The following STPG2 variants were observed in gnomAD, a reference collection of about 807,000 sequenced individuals.
The protein encoded by STPG2 is sperm-tail PG-rich repeat-containing protein 2.
STPG2 carries 56 observed loss-of-function variants against 54.2 expected under a neutral mutation model. The observed-to-expected ratio is 1.03, with a 90% CI of 0.83 to 1.29. The LOEUF (loss-of-function observed/expected upper bound fraction) is 1.29, where lower values mean the gene tolerates loss of function less well. Among genes scored for constraint, STPG2 ranks in the 50% most tolerant of loss-of-function variants. The pLI is 0.00. For missense variants in STPG2, 596 were observed against 544.9 expected (o/e 1.09, Z -0.93); for synonymous variants, 200 against 181.8 (o/e 1.10, Z -0.81).
chr4:97,442,952 G>C (rs1729127311), intron 4 of STPG2, among the ~76,000 whole-genome samples: 1 of 152,054 alleles, frequency 6.6e-6, no homozygotes, highest in African/African-American at 2.4e-5. Flanking sequence ...TGAAGGTATA[G>C]GATTTCATAA....
intron 10 of STPG2, among the ~76,000 whole-genome samples, chr4:97,700,043 C>T (rs1298987625): frequency 3.9e-5 from 6 of 152,154 alleles, no homozygotes; most frequent in Non-Finnish European, 7.3e-5. Flanking sequence ...CATAGTCAAA[C>T]GTTCAGTTTC....
intron 3 of STPG2, among the ~76,000 whole-genome samples, chr4:98,127,501 A>C (rs1016120692): frequency 1.3e-5 from 2 of 152,200 alleles, no homozygotes; most frequent in South Asian, 2.1e-4. Context: ...CAAGATAAAT[A>C]CTGAGAATGC....
chr4:98,131,690 T>C (rs1333400637), intron 2 of STPG2, among the ~76,000 whole-genome samples: 1 of 152,142 alleles, frequency 6.6e-6, no homozygotes, highest in Non-Finnish European at 1.5e-5. Flanking sequence ...GCCTTTGATG[T>C]AAAAATTATT....
At chr4:97,536,036 T>C (rs1163562886) in intron 4 of STPG2, among the ~76,000 whole-genome samples, 2 of 152,144 alleles carry the variant, frequency 1.3e-5, no homozygotes, top group East Asian at 3.9e-4. Flanking sequence ...TTTTCTTCAG[T>C]GTAATCATAC....
chr4:98,086,450 A>T (rs1408649802), intron 5 of STPG2, among the ~76,000 whole-genome samples: 1 of 152,046 alleles, frequency 6.6e-6, no homozygotes, highest in African/African-American at 2.4e-5. Context: ...CATATATATA[A>T]ATGTACATAT....
At chr4:97,841,688 T>C (rs1325752584) in intron 8 of STPG2, among the ~76,000 whole-genome samples, 2 of 151,824 alleles carry the variant, frequency 1.3e-5, no homozygotes, top group Non-Finnish European at 2.9e-5. Flanking sequence ...GAAAGTGTTA[T>C]GGCTAAGCAT....
chr4:97,828,477 C>A (rs1380091603), intron 9 of STPG2, among the ~76,000 whole-genome samples: 2 of 152,112 alleles, frequency 1.3e-5, no homozygotes, highest in Non-Finnish European at 1.5e-5. Flanking sequence ...GGGCAGACAC[C>A]AAGCTAGCTG....
intron 9 of STPG2, among the ~76,000 whole-genome samples, chr4:97,816,086 T>C (rs1727900375): frequency 6.6e-6 from 1 of 152,252 alleles, no homozygotes; most frequent in African/African-American, 2.4e-5. Context: ...TGTGTCCATG[T>C]GTTCTCATTG....
intron 10 of STPG2, among the ~76,000 whole-genome samples, chr4:97,607,190 T>G (rs1733616766): frequency 6.6e-6 from 1 of 152,016 alleles, no homozygotes; most frequent in African/African-American, 2.4e-5. Context: ...ATAAAAATGG[T>G]AAAATCAGCT....
At chr4:97,580,522 C>G (rs998129878) in intron 10 of STPG2, among the ~76,000 whole-genome samples, 1 of 142,280 alleles carries the variant, frequency 7.0e-6, no homozygotes, top group African/African-American at 3.0e-5. Flanking sequence ...ATTTCACCCT[C>G]TCTGTCTCTC....
intron 4 of STPG2, chr4:97,463,434 GT>G (rs1361225842): frequency 6.6e-6 from 1 of 152,016 alleles, no homozygotes; most frequent in Non-Finnish European, 1.5e-5. Context: ...CTTGTATTGT[GT>G]TTTTGTTGTT....
chr4:98,038,496 T>C (rs1195429444), intron 5 of STPG2, among the ~76,000 whole-genome samples: 2 of 151,992 alleles, frequency 1.3e-5, no homozygotes, highest in Non-Finnish European at 2.9e-5. Flanking sequence ...GTATGTAACG[T>C]AGGCATATTT....
chr4:97,869,006 T>C (rs1185040447), intron 8 of STPG2, among the ~76,000 whole-genome samples: 1 of 151,898 alleles, frequency 6.6e-6, no homozygotes, highest in East Asian at 1.9e-4. Context: ...TTAATTAGTT[T>C]TGTATCTTGA....
At chr4:97,929,582 G>C (rs1475451114) in intron 8 of STPG2, among the ~76,000 whole-genome samples, 2 of 152,158 alleles carry the variant, frequency 1.3e-5, no homozygotes, top group Admixed American at 6.5e-5. Context: ...ACTGGTGTCA[G>C]ATGGTATCTC....
chr4:97,840,280 T>C (rs1013417343), intron 9 of STPG2, among the ~76,000 whole-genome samples: 4 of 151,618 alleles, frequency 2.6e-5, no homozygotes, highest in Non-Finnish European at 4.4e-5. Context: ...CTTTAGCATG[T>C]TATGAGTTCT....
At chr4:97,923,293 T>A (rs28463863) in intron 8 of STPG2, among the ~76,000 whole-genome samples, 1 of 141,084 alleles carries the variant, frequency 7.1e-6, no homozygotes, top group East Asian at 2.1e-4. Context: ...GCGCAGCGCT[T>A]CCCCTCCCAC....
chr4:97,889,465 C>T (rs1350298765), intron 8 of STPG2, among the ~76,000 whole-genome samples: 1 of 152,098 alleles, frequency 6.6e-6, no homozygotes, highest in Non-Finnish European at 1.5e-5. Context: ...GGTATATATA[C>T]ATAATGGAAA....
chr4:97,493,419 T>C (rs1013691841), intron 4 of STPG2, among the ~76,000 whole-genome samples: 2 of 151,410 alleles, frequency 1.3e-5, no homozygotes, highest in African/African-American at 2.4e-5. Flanking sequence ...ACATGTAGCA[T>C]TGACTTTGGG....
At chr4:97,820,484 CCAAA>C (rs1728051550) in intron 9 of STPG2, among the ~76,000 whole-genome samples, 2 of 152,044 alleles carry the variant, frequency 1.3e-5, no homozygotes, top group African/African-American at 4.8e-5. Context: ...ACCTCTTGCA[CCAAA>C]CAGTTACCCA....
Sources: gnomAD v4.1 joint callset for allele counts (sites outside exome capture counted in the v4.1 genomes callset) on GRCh38, gnomAD v4.1.1 for gene constraint, MANE v1.5 for transcripts, NCBI Gene and HGNC (gene_info 2026-07-23, HGNC 2026-07-21) for gene names.